The following KMT2A variants were observed in gnomAD, a reference collection of about 807,000 sequenced individuals.
KMT2A encodes histone-lysine N-methyltransferase 2A.
Under a neutral mutation model 345.3 loss-of-function variants are expected in KMT2A, and 16 were observed. The observed-to-expected ratio is 0.05, with a 90% confidence interval of 0.03 to 0.07. The LOEUF (loss-of-function observed/expected upper bound fraction) is 0.07. Ranked by LOEUF, KMT2A falls within the 10% of genes least tolerant of loss-of-function variation. The pLI, the probability that KMT2A is intolerant of heterozygous loss-of-function variation, is 1.00. For missense variants in KMT2A, 3,272 were observed against 4,841.6 expected, an observed-to-expected ratio of 0.68 and a Z score of 9.62; for synonymous variants, 1,599 against 1,778.6, an observed-to-expected ratio of 0.90 and a Z score of 2.54.
rs1555043056 is a variant in KMT2A at position 118,493,121 on chromosome 11, A to C, written c.5069A>C (p.Glu1690Ala). The change falls in exon 16 of 36, where the codon GAA becomes GCA. Residue 1690 changes from glutamate to alanine, a missense_variant. By Grantham distance (107) the Glu-to-Ala change is moderately radical (BLOSUM62 -1). Around this residue, in one of 27 missense-constraint regions of KMT2A, gnomAD observed 66 missense variants for 80.1 expected, o/e 0.82. Transcript: ENST00000534358. This position sits in a 1 kb window ranked among gnomAD's most constrained non-coding sequence, Gnocchi z 5.8. ...AGTATACCTTCCCGCAGCTCCCCCG[A>C]AGGACCTGATCCACCAGTTCTTACT... ...EESIPSRSSP[E>A]GPDPPVLTEV... is the part of the protein sequence containing the mutation. The C allele has an allele frequency of 6.2e-7, 1 of 1,614,054 alleles. No homozygotes were observed.
Position 118,521,249 on chromosome 11 carries a change from C to G in KMT2A, c.11514-39C>G. ...GTATTCACGCACTTAACCTTACTTG[C>G]AAAATTTGTGTCTGACCTCTTTTCC... On this transcript the variant is annotated intron_variant, in intron 34 of 35. Coordinates refer to ENST00000534358, the MANE Select transcript of KMT2A (RefSeq NM_001197104.2). The surrounding 1 kb of genome is among the most constrained non-coding windows in gnomAD (Gnocchi z 5.3). The G allele has an allele frequency of 6.2e-7, 1 of 1,608,192 alleles. No homozygotes were observed. The highest frequency in any genetic ancestry group is 8.5e-7 in the Non-Finnish European group (1 of 1,175,740).
chr11:118,476,757 A>C lies in KMT2A; in HGVS notation c.3157-48A>C. The C allele has an allele frequency of 6.6e-7, 1 of 1,522,746 alleles. No individual in the cohort carries two copies. Among genetic ancestry groups the C allele is most frequent in the Non-Finnish European group, 9.0e-7 (1 of 1,115,772 alleles). The allele number at this position is 1,522,746 out of a possible 1,614,324, so 94.3% of individuals were successfully genotyped here. ...TATACCTTGGCTTCGTTCAGTTATA[A>C]TTTCAACATGTATGGTTGTTATTGT... On this transcript the variant is annotated intron_variant, in intron 3 of 35. Transcript: ENST00000534358. The surrounding 1 kb of genome is among the most constrained non-coding windows in gnomAD (Gnocchi z 4.1).
In KMT2A at chr11:118,495,899, C is replaced by G; in HGVS notation, c.5557+6C>G. On this transcript the variant is annotated splice_donor_region_variant and intron_variant, in intron 19 of 35. Transcript: ENST00000534358. This position sits in a 1 kb window ranked among gnomAD's most constrained non-coding sequence, Gnocchi z 4.1. ...TCCTACACCACCAATTTTGAGTAAG[C>G]CACCAAAAGGAGAGTCGTCACCCAT... The G allele has an allele frequency of 6.3e-7, 1 of 1,595,536 alleles. No individual in the cohort carries two copies. The highest frequency in any genetic ancestry group is 8.6e-7 in the Non-Finnish European group (1 of 1,169,414).
At chr11:118,454,574 C>T (rs552302087) in intron 1 of KMT2A, among the ~76,000 whole-genome samples, 2 of 152,348 alleles carry the variant, frequency 1.3e-5, no homozygotes, top group South Asian at 4.1e-4. Context: ...ATAGGCAATA[C>T]AGATGCTCCC....
At chr11:118,517,237 AT>A (rs1257457416) in intron 31 of KMT2A, among the ~76,000 whole-genome samples, 1 of 152,064 alleles carries the variant, frequency 6.6e-6, no homozygotes, top group East Asian at 1.9e-4. Context: ...CTACTAAAAA[AT>A]ACAAAAAATT....
At chr11:118,487,852 A>G (rs1950256232) in intron 10 of KMT2A, among the ~76,000 whole-genome samples, 1 of 152,208 alleles carries the variant, frequency 6.6e-6, no homozygotes, top group Admixed American at 6.5e-5. Flanking sequence ...ATTTTTGAAA[A>G]TCCTATATCA....
At chr11:118,479,286 T>G (rs1950091871) in intron 5 of KMT2A, among the ~76,000 whole-genome samples, 1 of 152,220 alleles carries the variant, frequency 6.6e-6, no homozygotes, top group African/African-American at 2.4e-5. Context: ...TTCTCCTCTT[T>G]TTTAGTCAGT....
chr11:118,436,797 A>G lies in KMT2A; in HGVS notation c.285A>G (p.Ser95=). 4 of 1,606,704 alleles carry G rather than the reference A, an allele frequency of 2.5e-6. No homozygotes were observed. Among genetic ancestry groups the G allele is most frequent in the Middle Eastern group, 1.7e-4 (1 of 6,036 alleles). ...SSSSASSSSS[S]SSSASSGPAL... ...CGTCCGCCTCGTCTTCGTCTTCGTC[A>G]TCGTCCTCAGCCTCTTCAGGGCCGG... Residue 95 remains serine (S), a synonymous_variant, in exon 1 of 36, where the codon TCA becomes TCG. Transcript: ENST00000534358. The surrounding 1 kb of genome is among the most constrained non-coding windows in gnomAD (Gnocchi z 6.9).
chr11:118,472,338 G>C lies in KMT2A; in HGVS notation c.1179G>C (p.Gln393His). The C allele has an allele frequency of 1.2e-6, 2 of 1,614,140 alleles. No homozygotes were observed. The highest frequency in any genetic ancestry group is 1.7e-6 in the Non-Finnish European group (2 of 1,180,028). The change falls in exon 3 of 36, where the codon CAG becomes CAC. Residue 393 changes from glutamine to histidine, a missense_variant. Coordinates refer to ENST00000534358, the MANE Select transcript of KMT2A (RefSeq NM_001197104.2). Reference sequence around the variant, plus strand: ...AGAAAATTGAAAAAGAAGCAGCTCAGCTGCAGGGAAGAAAGGTGAAGACAC... The same window carrying C: ...AGAAAATTGAAAAAGAAGCAGCTCACCTGCAGGGAAGAAAGGTGAAGACAC... ...AQKKIEKEAAQLQGRKVKTQV... is the reference protein window; with the variant it reads ...AQKKIEKEAAHLQGRKVKTQV...
At position 118,502,769 on chromosome 11, in the gene KMT2A, C is replaced by A. The variant is rs782174587; in HGVS notation, c.6877C>A (p.Gln2293Lys). 1.2e-6 allele frequency: 2 copies of A among 1,614,136 alleles called. No homozygotes were observed. Among genetic ancestry groups the A allele is most frequent in the Non-Finnish European group, 1.7e-6 (2 of 1,180,026 alleles). Residue 2293 changes from glutamine (Q) to lysine (K), a missense_variant, in exon 27 of 36, where the codon CAG becomes AAG. Gln to Lys is a moderately conservative substitution (Grantham distance 53). Around this residue, in one of 27 missense-constraint regions of KMT2A, gnomAD observed 445 missense variants for 500.9 expected, o/e 0.89. Transcript: ENST00000534358. This position sits in a 1 kb window ranked among gnomAD's most constrained non-coding sequence, Gnocchi z 4.9. ...TGGATCTTCATCTTCAGAAATGAAGCAGTCCAGTGCTTCAGACTTGGTGTC... is the reference window on the plus strand; with the variant it reads ...TGGATCTTCATCTTCAGAAATGAAGAAGTCCAGTGCTTCAGACTTGGTGTC... ...LDGSSSSEMK[Q>K]SSASDLVSKS...
In KMT2A at chr11:118,502,487, A is replaced by C; in HGVS notation, c.6595A>C (p.Ser2199Arg). Residue 2199 changes from serine (S) to arginine (R), a missense_variant, in exon 27 of 36, where the codon AGT becomes CGT. Coordinates refer to ENST00000534358, the MANE Select transcript of KMT2A (RefSeq NM_001197104.2). The surrounding 1 kb of genome is among the most constrained non-coding windows in gnomAD (Gnocchi z 4.9). ...GLRSIGSRRH[S>R]TSSLSPQRSK... is the part of the protein sequence containing the mutation. ...TCGAAGCATTGGCTCCAGGCGTCACAGTACCTCTTCCTTATCACCCCAGCG... is the reference window on the plus strand; with the variant it reads ...TCGAAGCATTGGCTCCAGGCGTCACCGTACCTCTTCCTTATCACCCCAGCG... 2 of 1,614,112 alleles carry C rather than the reference A, an allele frequency of 1.2e-6. No homozygotes were observed. Among genetic ancestry groups the C allele is most frequent in the Non-Finnish European group, 1.7e-6 (2 of 1,179,992 alleles).
chr11:118,515,978 AT>A (rs781836381), intron 31 of KMT2A, among the ~76,000 whole-genome samples: 9 of 151,954 alleles, frequency 5.9e-5, no homozygotes, highest in Non-Finnish European at 1.0e-4. Flanking sequence ...ACCCAGCCCC[AT>A]GTCCATTTCT....
Position 118,503,302 on chromosome 11 carries a change from G to A in KMT2A, c.7410G>A (p.Glu2470=). The A allele has an allele frequency of 6.2e-7, 1 of 1,614,144 alleles. No homozygotes were observed. Among genetic ancestry groups the A allele is most frequent in the Non-Finnish European group, 8.5e-7 (1 of 1,180,002 alleles). The change falls in exon 27 of 36, where the codon GAG becomes GAA. Residue 2470 remains glutamate (E), a synonymous_variant. Transcript: ENST00000534358. The surrounding 1 kb of genome is among the most constrained non-coding windows in gnomAD (Gnocchi z 5.3). ...ACTTGAAGCCAGAGTTTATGGATGA[G>A]GTTTTGACTCCTGAGTATATGGGCC... ...EGNLKPEFMD[E]VLTPEYMGQR...
In KMT2A at chr11:118,522,296, G is replaced by T. The variant is rs1451925433; in HGVS notation, c.*124G>T. On this transcript the variant is annotated 3_prime_UTR_variant, in exon 36 of 36. Coordinates refer to ENST00000534358, the MANE Select transcript of KMT2A (RefSeq NM_001197104.2). The surrounding 1 kb of genome is among the most constrained non-coding windows in gnomAD (Gnocchi z 5.4). ...GGCACAGCTGAGGGGCCTCTGTGAT[G>T]GCTGAGCTCTCTTATGTCCTATACT... is the stretch of plus-strand genomic sequence containing the variant. 5.6e-6 allele frequency: 5 copies of T among 890,812 alleles called. No individual in the cohort carries two copies. In the Admixed American group the frequency reaches 1.2e-4, roughly 21 times the overall value. The allele number at this position is 890,812 out of a possible 1,614,324, so 55.2% of individuals were successfully genotyped here.
In KMT2A at chr11:118,436,865, T is replaced by C; in HGVS notation, c.353T>C (p.Val118Ala). Residue 118 changes from valine (V) to alanine (A), a missense_variant, in exon 1 of 36, where the codon GTC becomes GCC. This residue lies in a region of KMT2A where 412 missense variants were observed against 511.0 expected (regional missense o/e 0.81). Transcript: ENST00000534358. This position sits in a 1 kb window ranked among gnomAD's most constrained non-coding sequence, Gnocchi z 6.9. ...CCGGGCTTCGACGCGGCGCTGCAGG[T>C]CTCGGCCGCCATCGGCACCAACCTG... ...VGPGFDAALQ[V>A]SAAIGTNLRR... The C allele has an allele frequency of 6.3e-7, 1 of 1,596,740 alleles. No individual in the cohort carries two copies. Among genetic ancestry groups the C allele is most frequent in the Non-Finnish European group, 8.5e-7 (1 of 1,172,476 alleles).
rs1555053446 is a variant in KMT2A at position 118,521,232 on chromosome 11, G to T, written c.11514-56G>T. The stretch of plus-strand genomic sequence containing the variant: ...CAGGAGAACTTATTCATGTATTCAC[G>T]CACTTAACCTTACTTGCAAAATTTG... On this transcript the variant is annotated intron_variant, in intron 34 of 35. Transcript: ENST00000534358. This position sits in a 1 kb window ranked among gnomAD's most constrained non-coding sequence, Gnocchi z 5.3. 5.1e-6 allele frequency: 8 copies of T among 1,581,348 alleles called. No homozygotes were observed. Among genetic ancestry groups the T allele is most frequent in the Middle Eastern group, 1.9e-4 (1 of 5,184 alleles).
In KMT2A at chr11:118,522,104, A is replaced by C; in HGVS notation, c.11851A>C (p.Ile3951Leu). 1 of 1,614,228 alleles carries C rather than the reference A, an allele frequency of 6.2e-7. No individual in the cohort carries two copies. The highest frequency in any genetic ancestry group is 1.1e-5 in the South Asian group (1 of 91,088). Reference sequence around the variant, plus strand: ...ACTCACTTACGACTATAAGTTCCCCATTGAGGATGCCAGCAACAAGCTGCC... The same window carrying C: ...ACTCACTTACGACTATAAGTTCCCCCTTGAGGATGCCAGCAACAAGCTGCC... ...EELTYDYKFP[I>L]EDASNKLPCN... The change falls in exon 36 of 36, where the codon ATT becomes CTT. Residue 3951 changes from isoleucine to leucine, a missense_variant. This residue lies in a region of KMT2A where 78 missense variants were observed against 254.5 expected (regional missense o/e 0.31). Transcript: ENST00000534358. This position sits in a 1 kb window ranked among gnomAD's most constrained non-coding sequence, Gnocchi z 5.4.
At chr11:118,462,312 T>TTTTTGTTTTGTTTTG (rs202080031) in intron 1 of KMT2A, among the ~76,000 whole-genome samples, 6 of 152,026 alleles carry the variant, frequency 3.9e-5, no homozygotes, top group African/African-American at 1.4e-4. Context: ...TTACTTAGTT[T>TTTTTGTTTTGTTTTG]TTTTGTTTTG....
Position 118,496,031 on chromosome 11 carries a change from C to A in KMT2A, c.5557+138C>A. 1 of 834,926 alleles carries A rather than the reference C, an allele frequency of 1.2e-6. No individual in the cohort carries two copies. The highest frequency in any genetic ancestry group is 1.9e-6 in the Non-Finnish European group (1 of 524,234). The allele number at this position is 834,926 out of a possible 1,614,324, so 51.7% of individuals were successfully genotyped here. ...AGGTCATCCTTAAATGTAATACCAT[C>A]ATTAATTTTGCTTCACTTGAGGTGT... On this transcript the variant is annotated intron_variant, in intron 19 of 35. Coordinates refer to ENST00000534358, the MANE Select transcript of KMT2A (RefSeq NM_001197104.2). This position sits in a 1 kb window ranked among gnomAD's most constrained non-coding sequence, Gnocchi z 4.7.
Sources: allele counts gnomAD v4.1 joint callset (sites outside exome capture counted in the v4.1 genomes callset), GRCh38; gene constraint gnomAD v4.1.1; regional missense constraint gnomAD v4.1.1; non-coding constraint Gnocchi (gnomAD v3.1); transcripts MANE v1.5; gene names NCBI Gene and HGNC (gene_info 2026-07-23, HGNC 2026-07-21).